HIVEP1: variants seen among roughly 807,000 people sequenced by gnomAD.
HIVEP1 encodes the protein HIVEP zinc finger 1.
A neutral mutation model predicts 180.0 loss-of-function variants in HIVEP1; 36 were observed. That is an observed-to-expected ratio of 0.20 (90% CI 0.15 to 0.26). The LOEUF is 0.26. HIVEP1 is among the 10% of genes least tolerant of loss of function. HIVEP1 has a pLI of 1.00. For synonymous variants in HIVEP1, 1,239 were observed against 1,239.0 expected (o/e 1.00, Z 0.00); for missense variants, 3,143 against 3,268.7 (o/e 0.96, Z 0.94).
chr6:12,098,801 A>C (rs909508449), intron 3 of HIVEP1, among the ~76,000 whole-genome samples: 8 of 152,200 alleles, frequency 5.3e-5, no homozygotes, highest in Non-Finnish European at 1.5e-5. Context: ...CAAAGCATGG[A>C]GATAACAAAG....
At chr6:12,039,230 G>A (rs1769502686) in intron 2 of HIVEP1, 1 of 152,168 alleles carries the variant, frequency 6.6e-6, no homozygotes. Context: ...GTTGATTAAA[G>A]ACATGCATAT....
Position 12,124,694 on chromosome 6 carries a change from A to G in HIVEP1, c.4899A>G (p.Ser1633=). The part of the protein sequence containing the change: ...LGSQVQKVPS[S]FMLPIRLQSS... Reference sequence around the variant, plus strand: ...GTCAGGTGCAGAAGGTGCCATCATCATTCATGCTGCCCATACGCCTGCAGA... The same window carrying G: ...GTCAGGTGCAGAAGGTGCCATCATCGTTCATGCTGCCCATACGCCTGCAGA... Residue 1633 remains serine, a synonymous_variant, in exon 4 of 9, where the codon TCA becomes TCG. Coordinates refer to ENST00000379388, the MANE Select transcript of HIVEP1 (RefSeq NM_002114.4). 6.2e-7 allele frequency: 1 copy of G among 1,614,100 alleles called. No homozygotes were observed. Among genetic ancestry groups the G allele is most frequent in the Non-Finnish European group, 8.5e-7 (1 of 1,179,990 alleles).
intron 3 of HIVEP1, among the ~76,000 whole-genome samples, chr6:12,098,818 A>T (rs558545156): frequency 6.6e-6 from 1 of 152,344 alleles, no homozygotes; most frequent in Admixed American, 6.5e-5. Flanking sequence ...AAAGTATTTA[A>T]CCAACAATAT....
chr6:12,044,919 C>T (rs1041333336), intron 2 of HIVEP1, among the ~76,000 whole-genome samples: 1 of 152,262 alleles, frequency 6.6e-6, no homozygotes, highest in Non-Finnish European at 1.5e-5. Context: ...CCACATCCCT[C>T]CTGTGTAGAC....
At chr6:12,103,184 G>GTAGTAA (rs1554142835) in intron 3 of HIVEP1, among the ~76,000 whole-genome samples, 1 of 147,656 alleles carries the variant, frequency 6.8e-6, no homozygotes, top group African/African-American at 2.5e-5. Context: ...TGTTGATTAT[G>GTAGTAA]TAATAATAAT....
At chr6:12,202,227 TCA>T in the HIVEP1 span, among the ~76,000 whole-genome samples, 3 of 152,232 alleles carry the variant, frequency 2.0e-5, no homozygotes, top group East Asian at 5.8e-4. Flanking sequence ...CGATCACGGC[TCA>T]CTGCAGCCTT....
chr6:12,011,855 C>G (rs1396130606), upstream of HIVEP1: 1 of 146,242 alleles, frequency 6.8e-6, no homozygotes, highest in East Asian at 2.0e-4. Context: ...AACCCCAGCC[C>G]CCGCGGGGAC....
rs1230443682 is a variant in HIVEP1, at chr6:12,125,778, A to G, written c.5983A>G (p.Thr1995Ala). ...TGCTCTCCTTAATTCAAAACAGAACACTGGAAAATCACTATACTGTCAAGC... is the reference window on the plus strand; with the variant it reads ...TGCTCTCCTTAATTCAAAACAGAACGCTGGAAAATCACTATACTGTCAAGC... ...ALALLNSKQN[T>A]GKSLYCQAIT... is the part of the protein sequence containing the mutation. The change falls in exon 4 of 9, where the codon ACT (threonine) becomes GCT (alanine). Residue 1995 changes from threonine (T) to alanine (A), a missense_variant. Transcript: ENST00000379388. 2.5e-6 allele frequency: 4 copies of G among 1,613,822 alleles called. No homozygotes were observed. The highest frequency in any genetic ancestry group is 1.3e-5 in the African/African-American group (1 of 74,924).
At chr6:12,189,013 A>C in the HIVEP1 span, among the ~76,000 whole-genome samples, 1 of 152,108 alleles carries the variant, frequency 6.6e-6, no homozygotes, top group African/African-American at 2.4e-5. Context: ...GAGTATAAAA[A>C]TAGATAAATA....
intron 3 of HIVEP1, among the ~76,000 whole-genome samples, chr6:12,114,383 CT>C (rs1390847135): frequency 6.6e-6 from 1 of 152,212 alleles, no homozygotes; most frequent in African/African-American, 2.4e-5. Flanking sequence ...TAAACCCCCA[CT>C]TCCTGGCTGT....
chr6:12,163,889 C>A lies in HIVEP1; in HGVS notation c.7585C>A (p.Pro2529Thr). The A allele has an allele frequency of 1.2e-6, 2 of 1,614,136 alleles. No homozygotes were observed. Among genetic ancestry groups the A allele is most frequent in the Non-Finnish European group, 1.7e-6 (2 of 1,180,038 alleles). ...AVGLQVLTANPSSQSSPAPQA... is the reference protein window; with the variant it reads ...AVGLQVLTANTSSQSSPAPQA... ...CGGACTGCAGGTTCTGACTGCAAAC[C>A]CTTCATCACAAAGCAGCCCCGCCCC... Residue 2529 changes from proline to threonine, a missense_variant, in exon 9 of 9, where the codon CCT (proline) becomes ACT (threonine). This residue lies in a region of HIVEP1 where 595 missense variants were observed against 602.2 expected (regional missense o/e 0.99). Coordinates refer to ENST00000379388, the MANE Select transcript of HIVEP1 (RefSeq NM_002114.4).
upstream of HIVEP1, chr6:12,008,377 C>T (rs557548512): frequency 6.6e-6 from 1 of 152,184 alleles, no homozygotes; most frequent in African/African-American, 2.4e-5. Flanking sequence ...CACCATCTTA[C>T]AAGTTTGTGC....
intron 7 of HIVEP1, among the ~76,000 whole-genome samples, chr6:12,137,189 C>T (rs1001640222): frequency 6.6e-6 from 1 of 152,196 alleles, no homozygotes; most frequent in Non-Finnish European, 1.5e-5. Flanking sequence ...AGAGTTTCAG[C>T]AAGTACGTTC....
At chr6:12,096,097 A>T (rs1357877229) in intron 3 of HIVEP1, among the ~76,000 whole-genome samples, 1 of 152,044 alleles carries the variant, frequency 6.6e-6, no homozygotes, top group Admixed American at 6.6e-5. Flanking sequence ...AATTGCCACT[A>T]TCATTACCAG....
At chr6:12,104,292 T>C (rs185164796) in intron 3 of HIVEP1, among the ~76,000 whole-genome samples, 249 of 152,226 alleles carry the variant, frequency 1.6e-3, no homozygotes, top group Non-Finnish European at 2.7e-3. Context: ...CTTCTTTGTT[T>C]TGTTACTTTC....
At chr6:12,083,833 T>C (rs1402394416) in intron 2 of HIVEP1, among the ~76,000 whole-genome samples, 2 of 152,162 alleles carry the variant, frequency 1.3e-5, no homozygotes, top group African/African-American at 4.8e-5. Flanking sequence ...AAAATTATAA[T>C]ATGTTGCTTC....
chr6:12,013,364 A>C (rs779972137), intron 1 of HIVEP1, among the ~76,000 whole-genome samples: 47 of 151,974 alleles, frequency 3.1e-4, no homozygotes, highest in Non-Finnish European at 4.9e-4. Context: ...TGTAGTATTT[A>C]TTTCTTTCCC....
chr6:12,158,090 C>T (rs1224025389), intron 7 of HIVEP1, among the ~76,000 whole-genome samples: 2 of 152,146 alleles, frequency 1.3e-5, no homozygotes, highest in Non-Finnish European at 2.9e-5. Context: ...ACATAGGTGT[C>T]ATATCTGACT....
Position 12,163,408 on chromosome 6 carries a change from G to T in HIVEP1, c.7104G>T (p.Gln2368His). 1.9e-6 allele frequency: 3 copies of T among 1,614,140 alleles called. No individual in the cohort carries two copies. Among genetic ancestry groups the T allele is most frequent in the Non-Finnish European group, 2.5e-6 (3 of 1,180,012 alleles). ...PQEQKQQITL[Q>H]PTPGLPSPHT... ...AACAGAAGCAGCAAATAACTCTACA[G>T]CCGACTCCAGGCTTGCCTTCTCCCC... Residue 2368 changes from glutamine to histidine, a missense_variant, in exon 9 of 9, where the codon CAG becomes CAT. Gln to His is a conservative substitution (Grantham distance 24). Around this residue, in one of 12 missense-constraint regions of HIVEP1, gnomAD observed 595 missense variants for 602.2 expected, o/e 0.99. Coordinates refer to ENST00000379388, the MANE Select transcript of HIVEP1 (RefSeq NM_002114.4).
Sources: allele counts gnomAD v4.1 joint callset (sites outside exome capture counted in the v4.1 genomes callset), GRCh38; gene constraint gnomAD v4.1.1; regional missense constraint gnomAD v4.1.1; transcripts MANE v1.5; gene names NCBI Gene and HGNC (gene_info 2026-07-23, HGNC 2026-07-21).